MYO1D: variants seen among roughly 807,000 people sequenced by gnomAD.
MYO1D encodes the protein unconventional myosin-Id.
In MYO1D, 83 loss-of-function variants were observed where a neutral mutation model predicts 122.0. That is an observed-to-expected ratio of 0.68 (90% CI 0.57 to 0.82). The LOEUF (loss-of-function observed/expected upper bound fraction) is 0.82, where lower values mean the gene tolerates loss of function less well. MYO1D is among the 40% of genes least tolerant of loss of function. The probability of loss-of-function intolerance (pLI) is 0.00; values close to 1 mark genes in which losing one functional copy is unlikely to be tolerated. For synonymous variants in MYO1D, 464 were observed against 446.9 expected, an observed-to-expected ratio of 1.04 and a Z score of -0.48; for missense variants, 1,157 against 1,269.5, an observed-to-expected ratio of 0.91 and a Z score of 1.35.
intron 21 of MYO1D, among the ~76,000 whole-genome samples, chr17:32,526,084 T>G (rs1177675269): frequency 6.6e-6 from 1 of 152,216 alleles, no homozygotes; most frequent in African/African-American, 2.4e-5. Flanking sequence ...TTTCCGATCT[T>G]CCAAGAAAGG....
intron 21 of MYO1D, among the ~76,000 whole-genome samples, chr17:32,499,738 T>C (rs999816371): frequency 6.6e-6 from 1 of 151,876 alleles, no homozygotes; most frequent in African/African-American, 2.4e-5. Context: ...GCCGGCAGAT[T>C]GCTTGAGCTC....
At chr17:32,855,194 T>C (rs1030962308) in intron 1 of MYO1D, among the ~76,000 whole-genome samples, 1 of 152,198 alleles carries the variant, frequency 6.6e-6, no homozygotes, top group Non-Finnish European at 1.5e-5. Flanking sequence ...TGGCCTTTTT[T>C]AAAAACACAC....
chr17:32,594,494 C>A, intron 21 of MYO1D: 1 of 536,352 alleles, frequency 1.9e-6, no homozygotes, highest in Non-Finnish European at 3.4e-6. Flanking sequence ...CTCAGTTTGC[C>A]ATGTAATCTT....
chr17:32,745,608 AC>A (rs766144908), intron 12 of MYO1D: 2 of 234,552 alleles, frequency 8.5e-6, no homozygotes, highest in Admixed American at 5.5e-5. Flanking sequence ...ACAGGAACTA[AC>A]AGTCTCATCC....
intron 8 of MYO1D, among the ~76,000 whole-genome samples, chr17:32,763,466 G>A (rs1039743792): frequency 2.6e-5 from 4 of 152,234 alleles, no homozygotes; most frequent in Non-Finnish European, 4.4e-5. Context: ...AAAGATAACA[G>A]CTCCAAAGAA....
chr17:32,552,413 C>T (rs2087024318), intron 21 of MYO1D, among the ~76,000 whole-genome samples: 1 of 145,516 alleles, frequency 6.9e-6, no homozygotes, highest in African/African-American at 2.5e-5. Context: ...TCCATCCATC[C>T]ATCCACCCAT....
intron 21 of MYO1D, among the ~76,000 whole-genome samples, chr17:32,600,111 G>C (rs773705593): frequency 4.6e-5 from 7 of 152,214 alleles, no homozygotes; most frequent in Admixed American, 1.3e-4. Flanking sequence ...TACTGTCAAT[G>C]CATAGTAATG....
At chr17:32,792,040 T>C (rs1418545965) in intron 1 of MYO1D, among the ~76,000 whole-genome samples, 1 of 152,210 alleles carries the variant, frequency 6.6e-6, no homozygotes, top group Non-Finnish European at 1.5e-5. Flanking sequence ...GAGTTTTTTA[T>C]GGCTTCATAG....
chr17:32,542,449 G>C (rs1299516355), intron 21 of MYO1D, among the ~76,000 whole-genome samples: 1 of 152,102 alleles, frequency 6.6e-6, no homozygotes, highest in African/African-American at 2.4e-5. Context: ...CACTGGTGAA[G>C]TCCTATTTCA....
At chr17:32,671,192 G>C (rs919385773) in intron 16 of MYO1D, among the ~76,000 whole-genome samples, 1 of 152,234 alleles carries the variant, frequency 6.6e-6, no homozygotes, top group African/African-American at 2.4e-5. Flanking sequence ...ACCCCTGCCT[G>C]GGCATCACTG....
intron 1 of MYO1D, among the ~76,000 whole-genome samples, chr17:32,825,310 G>C (rs759561755): frequency 6.7e-6 from 1 of 149,466 alleles, no homozygotes; most frequent in South Asian, 2.1e-4. Flanking sequence ...TTATTTTTTT[G>C]ACACAGTGTT....
chr17:32,544,040 G>A (rs534484690), intron 21 of MYO1D, among the ~76,000 whole-genome samples: 31 of 151,812 alleles, frequency 2.0e-4, no homozygotes, highest in African/African-American at 6.0e-4. Flanking sequence ...TGATCCACCC[G>A]CCTTGGCCTC....
chr17:32,674,049 C>G (rs187551922), intron 16 of MYO1D, among the ~76,000 whole-genome samples: 7 of 152,294 alleles, frequency 4.6e-5, no homozygotes, highest in Admixed American at 4.6e-4. Flanking sequence ...AAAGTAAGAT[C>G]TGATCAAATG....
At chr17:32,543,530 CAT>C (rs1910912390) in intron 21 of MYO1D, among the ~76,000 whole-genome samples, 1 of 151,864 alleles carries the variant, frequency 6.6e-6, no homozygotes, top group African/African-American at 2.4e-5. Context: ...GAGCCGAGAT[CAT>C]GCCACTGCAC....
At chr17:32,854,129 G>A (rs2091010170) in intron 1 of MYO1D, among the ~76,000 whole-genome samples, 1 of 152,144 alleles carries the variant, frequency 6.6e-6, no homozygotes, top group Non-Finnish European at 1.5e-5. Flanking sequence ...ACTGGAATCA[G>A]TCCAAACTAA....
chr17:32,564,891 C>T (rs531567759), intron 21 of MYO1D, among the ~76,000 whole-genome samples: 1 of 152,242 alleles, frequency 6.6e-6, no homozygotes, highest in African/African-American at 2.4e-5. Flanking sequence ...ATTCTAGAAA[C>T]AGCATACCCC....
chr17:32,734,784 A>G (rs745762254), intron 14 of MYO1D: 12 of 152,128 alleles, frequency 7.9e-5, no homozygotes, highest in Non-Finnish European at 1.5e-4. Context: ...AAAATAGTTG[A>G]GATGGCTGAG....
chr17:32,518,838 C>G (rs992104207), intron 21 of MYO1D: 1 of 152,292 alleles, frequency 6.6e-6, no homozygotes, highest in Non-Finnish European at 1.5e-5. Context: ...GAATCCCCTC[C>G]CCCCGAATAA....
At chr17:32,753,993 A>G (rs1019797831) in intron 11 of MYO1D, among the ~76,000 whole-genome samples, 1 of 152,240 alleles carries the variant, frequency 6.6e-6, no homozygotes, top group African/African-American at 2.4e-5. Flanking sequence ...GAAGATATCA[A>G]AATGAGGTGG....
Sources: gnomAD v4.1 joint callset for allele counts (sites outside exome capture counted in the v4.1 genomes callset) on GRCh38, gnomAD v4.1.1 for gene constraint, MANE v1.5 for transcripts, NCBI Gene and HGNC (gene_info 2026-07-23, HGNC 2026-07-21) for gene names.